INPP4B: variants seen among roughly 807,000 people sequenced by gnomAD.
INPP4B encodes the protein inositol polyphosphate 4-phosphatase type II.
A neutral mutation model predicts 122.5 loss-of-function variants in INPP4B; 55 were observed. That is an observed-to-expected ratio of 0.45 (90% confidence interval 0.36 to 0.56). INPP4B has a LOEUF of 0.56. Ranked by LOEUF, INPP4B falls within the 20% of genes least tolerant of loss-of-function variation. INPP4B has a pLI of 0.00. For missense variants in INPP4B, 1,000 were observed against 1,097.7 expected (o/e 0.91, Z 1.26); for synonymous variants, 403 against 388.7 (o/e 1.04, Z -0.43).
At chr4:142,175,165 T>C (rs1404488186) in intron 15 of INPP4B, among the ~76,000 whole-genome samples, 1 of 152,126 alleles carries the variant, frequency 6.6e-6, no homozygotes, top group Non-Finnish European at 1.5e-5. Flanking sequence ...TCAAAAAACT[T>C]TGCAGTCGAT....
intron 3 of INPP4B, among the ~76,000 whole-genome samples, chr4:142,454,863 C>G (rs916718370): frequency 6.6e-5 from 10 of 151,962 alleles, no homozygotes; most frequent in African/African-American, 2.2e-4. Flanking sequence ...ATACTTCACA[C>G]TGAGTAGGAG....
At chr4:142,140,701 G>A (rs974963237) in intron 18 of INPP4B, among the ~76,000 whole-genome samples, 2 of 152,180 alleles carry the variant, frequency 1.3e-5, no homozygotes, top group East Asian at 1.9e-4. Flanking sequence ...AATTGGGATA[G>A]ATTGTTTTAA....
chr4:142,476,769 A>T (rs1279938546), intron 2 of INPP4B, among the ~76,000 whole-genome samples: 1 of 152,206 alleles, frequency 6.6e-6, no homozygotes, highest in Non-Finnish European at 1.5e-5. Flanking sequence ...TATCCAATGT[A>T]TACACACCCA....
At chr4:142,265,003 C>A (rs1742077093) in intron 10 of INPP4B, among the ~76,000 whole-genome samples, 1 of 151,816 alleles carries the variant, frequency 6.6e-6, no homozygotes, top group Non-Finnish European at 1.5e-5. Context: ...TCTCTCCCTC[C>A]CCCACTTCCC....
At chr4:142,138,511 A>G (rs1014234121) in intron 18 of INPP4B, among the ~76,000 whole-genome samples, 5 of 152,036 alleles carry the variant, frequency 3.3e-5, no homozygotes, top group African/African-American at 1.2e-4. Flanking sequence ...CGTTGTGCAC[A>G]TGTACCCTAA....
intron 16 of INPP4B, among the ~76,000 whole-genome samples, chr4:142,165,785 A>C (rs1822417590): frequency 6.6e-6 from 1 of 151,760 alleles, no homozygotes; most frequent in African/African-American, 2.4e-5. Flanking sequence ...CAAGCTATGA[A>C]ACATTGCTGA....
At chr4:142,513,039 A>G (rs1824941213) in intron 2 of INPP4B, among the ~76,000 whole-genome samples, 1 of 152,202 alleles carries the variant, frequency 6.6e-6, no homozygotes, top group African/African-American at 2.4e-5. Context: ...TGTCATTAAG[A>G]ACTCTTTATA....
intron 7 of INPP4B, among the ~76,000 whole-genome samples, chr4:142,329,323 T>C (rs1351068643): frequency 6.6e-6 from 1 of 151,996 alleles, no homozygotes; most frequent in East Asian, 1.9e-4. Flanking sequence ...TTTAGGCCAA[T>C]GCAACATCAA....
At chr4:142,192,421 C>T (rs61637657) in intron 15 of INPP4B, among the ~76,000 whole-genome samples, 1 of 143,896 alleles carries the variant, frequency 6.9e-6, no homozygotes, top group Non-Finnish European at 1.5e-5. Flanking sequence ...GGATAATGCA[C>T]TTTATGTTTT....
rs1268109506 is a variant in INPP4B, at chr4:142,537,028, C to T, written c.-190-74302G>A. On this transcript the variant is annotated intron_variant, in intron 2 of 25. Coordinates refer to ENST00000262992, the MANE Select transcript of INPP4B (RefSeq NM_001101669.3). The stretch of plus-strand genomic sequence containing the variant: ...GCCAGGATGGTCTTGATCTCTTGAC[C>T]TTGTGATCCACCCGCCTCAGCCTCC... 3.9e-5 allele frequency among the ~76,000 whole-genome samples: 6 copies of T among 152,116 alleles called. No individual in the cohort carries two copies. The East Asian group carries it at 7.8e-4, about 20-fold the overall frequency.
chr4:142,807,873 T>C (rs1045260355), intron 1 of INPP4B, among the ~76,000 whole-genome samples: 11 of 152,234 alleles, frequency 7.2e-5, no homozygotes, highest in Admixed American at 5.2e-4. Flanking sequence ...CTAACATTTA[T>C]ACTAGAACTA....
intron 16 of INPP4B, among the ~76,000 whole-genome samples, chr4:142,172,158 A>T (rs3775666): frequency 0.095 from 14,383 of 151,910 alleles, 900 homozygotes; most frequent in South Asian, 0.22. Context: ...AACATTTTTA[A>T]AAAAAAACTT....
At chr4:142,566,147 A>G (rs527764989) in intron 2 of INPP4B, 1 of 152,356 alleles carries the variant, frequency 6.6e-6, no homozygotes, top group Non-Finnish European at 1.5e-5. Flanking sequence ...GAAAAATGAC[A>G]GGATGAAAAC....
intron 2 of INPP4B, among the ~76,000 whole-genome samples, chr4:142,720,158 A>G (rs1349465146): frequency 6.6e-6 from 1 of 152,226 alleles, no homozygotes; most frequent in Non-Finnish European, 1.5e-5. Flanking sequence ...TTACATGTGA[A>G]CAGAAACTGG....
At chr4:142,141,283 G>A (rs1490671769) in intron 18 of INPP4B, among the ~76,000 whole-genome samples, 2 of 152,060 alleles carry the variant, frequency 1.3e-5, no homozygotes, top group Non-Finnish European at 2.9e-5. Flanking sequence ...GTTGAAAACC[G>A]GCAGAGATAT....
chr4:142,442,430 AG>A lies in INPP4B; in HGVS notation c.-126-11046del, dbSNP rs1172850611. On this transcript the variant is annotated intron_variant, in intron 3 of 25. Transcript: ENST00000262992. Reference sequence around the variant, plus strand: ...CCATCTCAAAAAAAAAAAAAAAAAAAGAGAGAGAAGAAAAAAATAAAAAGAT... The same window carrying A: ...CCATCTCAAAAAAAAAAAAAAAAAAAAGAGAGAAGAAAAAAATAAAAAGAT... Among the ~76,000 whole-genome samples the A allele has an allele frequency of 3.7e-4, 55 of 147,734 alleles. 1 individual carries two copies. The South Asian group carries it at 8.9e-3, about 24-fold the overall frequency.
chr4:142,386,297 C>A (rs66511868), intron 7 of INPP4B, among the ~76,000 whole-genome samples: 25,721 of 152,044 alleles, frequency 0.17, 2,540 homozygotes, highest in African/African-American at 0.27. Context: ...TAGGTTGCTA[C>A]CATATCTTAG....
chr4:142,034,256 G>A (rs1407914143), intron 25 of INPP4B, among the ~76,000 whole-genome samples: 1 of 152,132 alleles, frequency 6.6e-6, no homozygotes, highest in Admixed American at 6.5e-5. Flanking sequence ...ATATCTGGAA[G>A]GATTGTTGGT....
chr4:142,741,098 T>A (rs957251340), intron 1 of INPP4B, among the ~76,000 whole-genome samples: 2 of 152,028 alleles, frequency 1.3e-5, no homozygotes, highest in Admixed American at 6.6e-5. Context: ...AAAATCAGTG[T>A]GTTAAAAATC....
Sources: allele counts gnomAD v4.1 joint callset (sites outside exome capture counted in the v4.1 genomes callset), GRCh38; gene constraint gnomAD v4.1.1; transcripts MANE v1.5; gene names NCBI Gene and HGNC (gene_info 2026-07-23, HGNC 2026-07-21).